CALB2: variants seen among roughly 807,000 people sequenced by gnomAD.
CALB2 encodes calretinin.
In CALB2, 34 loss-of-function variants were observed where a neutral mutation model predicts 45.9. The ratio of observed to expected loss-of-function variants is 0.74; its 90% CI spans 0.56 to 0.99. The LOEUF (loss-of-function observed/expected upper bound fraction) is 0.99, where lower values mean the gene tolerates loss of function less well. CALB2 is among the 50% of genes least tolerant of loss of function. CALB2 has a pLI of 0.00. For synonymous variants in CALB2, 142 were observed against 129.6 expected (o/e 1.10, Z -0.65); for missense variants, 344 against 339.3 (o/e 1.01, Z -0.11).
At chr16:71,383,093 C>T (rs2042519144) in intron 5 of CALB2, among the ~76,000 whole-genome samples, 1 of 152,140 alleles carries the variant, frequency 6.6e-6, no homozygotes, top group Non-Finnish European at 1.5e-5. Context: ...CCAGTGATTC[C>T]CCAGGCACTG....
intron 9 of CALB2, 103 bp downstream of exon 9, chr16:71,384,939 C>T (rs1288155929): frequency 2.0e-5 from 20 of 989,568 alleles, no homozygotes; most frequent in Non-Finnish European, 2.9e-5. Context: ...CAGGGGTGGC[C>T]TGGGCCGTGT....
intron 10 of CALB2, among the ~76,000 whole-genome samples, chr16:71,388,358 G>T (rs1192957480): frequency 6.8e-6 from 1 of 147,202 alleles, no homozygotes; most frequent in East Asian, 2.0e-4. Flanking sequence ...AAAAGAAAAA[G>T]AAAAAGAAAA....
At chr16:71,359,106 C>T (rs956010800) in intron 1 of CALB2, among the ~76,000 whole-genome samples, 2 of 152,202 alleles carry the variant, frequency 1.3e-5, no homozygotes, top group Non-Finnish European at 2.9e-5. Flanking sequence ...ACCCAGAGCC[C>T]ACCCGCATTT....
In CALB2 at chr16:71,388,643, G is replaced by A. The variant is rs571111449; in HGVS notation, c.700-1106G>A. ...CAAGAAGCCAGTGAACAAGAAGTAG[G>A]CTGGCGAGCTTTATTGCTGGAGAAG... On this transcript the variant is annotated intron_variant, in intron 10 of 10. Transcript: ENST00000302628. 5.9e-5 allele frequency among the ~76,000 whole-genome samples: 9 copies of A among 152,192 alleles called. No individual in the cohort carries two copies. In the South Asian group the frequency reaches 1.7e-3, roughly 28 times the overall value.
In CALB2 at chr16:71,358,896, G is replaced by T. The variant is rs775004919; in HGVS notation, c.94+10G>T. On this transcript the variant is annotated intron_variant, in intron 1 of 10. Transcript: ENST00000302628. ...CACTTTGACGCAGACGGTCAGTAAA[G>T]CTCCCAACTTCTGTGCCCATTGGCA... 2.1e-5 allele frequency: 34 copies of T among 1,611,260 alleles called. No individual in the cohort carries two copies. The East Asian group carries it at 5.6e-4, about 26-fold the overall frequency.
chr16:71,364,844 G>A (rs2042267170), intron 1 of CALB2, among the ~76,000 whole-genome samples: 1 of 152,232 alleles, frequency 6.6e-6, no homozygotes, highest in African/African-American at 2.4e-5. Flanking sequence ...GTGTGTCAGA[G>A]AGAGAAGCCA....
chr16:71,370,050 A>G (rs1389713386), intron 1 of CALB2, among the ~76,000 whole-genome samples: 3 of 151,904 alleles, frequency 2.0e-5, no homozygotes, highest in Non-Finnish European at 4.4e-5. Context: ...GAAGATAACC[A>G]CCCCATCCTA....
chr16:71,385,519 T>A, intron 9 of CALB2, 58 bp from the exon 10 acceptor site: 1 of 1,502,456 alleles, frequency 6.7e-7, no homozygotes, highest in South Asian at 1.1e-5. Flanking sequence ...CTGGAATGGG[T>A]CGGGACAGCA....
At chr16:71,360,032 T>G (rs2042223605) in intron 1 of CALB2, among the ~76,000 whole-genome samples, 1 of 152,214 alleles carries the variant, frequency 6.6e-6, no homozygotes, top group Non-Finnish European at 1.5e-5. Flanking sequence ...GGCTCAGCCT[T>G]GTGGGCTCTG....
chr16:71,358,938 T>TGAAGGGG, intron 1 of CALB2, 52 bp downstream of exon 1: 1 of 1,517,640 alleles, frequency 6.6e-7, no homozygotes, highest in Non-Finnish European at 9.1e-7. Context: ...GGACCTGCGG[T>TGAAGGGG]GAAGGGGGCA....
At chr16:71,366,717 A>T (rs1406312738) in intron 1 of CALB2, among the ~76,000 whole-genome samples, 1 of 152,182 alleles carries the variant, frequency 6.6e-6, no homozygotes, top group African/African-American at 2.4e-5. Flanking sequence ...AGAGGAACTT[A>T]AGAGGAGGGA....
intron 1 of CALB2, among the ~76,000 whole-genome samples, chr16:71,363,694 G>C (rs114020601): frequency 0.014 from 2,176 of 152,294 alleles, 48 homozygotes; most frequent in African/African-American, 0.05. Context: ...TGCATGAGAG[G>C]TCCTGCAATA....
rs1567544352 is a variant in CALB2, at chr16:71,384,854, C to T, written c.627+18C>T. On this transcript the variant is annotated intron_variant, in intron 9 of 10. Transcript: ENST00000302628. ...ACGACAAGGTAAGAGAGGGAGTTGG[C>T]ATGGCAGGGAAAATCAGAAGCCCAT... The T allele has an allele frequency of 6.2e-7, 1 of 1,609,808 alleles. No individual in the cohort carries two copies.
intron 4 of CALB2, among the ~76,000 whole-genome samples, chr16:71,380,693 C>T (rs1156875056): frequency 1.3e-5 from 2 of 152,078 alleles, no homozygotes; most frequent in African/African-American, 2.4e-5. Context: ...GTTTCTGGGA[C>T]CCCACCCTCC....
chr16:71,367,328 G>A (rs1015941832), intron 1 of CALB2, among the ~76,000 whole-genome samples: 2 of 152,140 alleles, frequency 1.3e-5, no homozygotes, highest in Non-Finnish European at 2.9e-5. Context: ...CCATCCGCAT[G>A]AGCCTTGCTT....
chr16:71,382,842 G>A, intron 5 of CALB2, 67 bp downstream of exon 5: 8 of 1,403,402 alleles, frequency 5.7e-6, no homozygotes, highest in Non-Finnish European at 7.8e-6. Flanking sequence ...TGAGGAGGGA[G>A]GAGATGTTGG....
At position 71,384,042 on chromosome 16, in the gene CALB2, C is replaced by G. The variant is rs571464408; in HGVS notation, c.533+17C>G. 1 of 1,613,004 alleles carries G rather than the reference C, an allele frequency of 6.2e-7. No individual in the cohort carries two copies. Among genetic ancestry groups the G allele is most frequent in the Non-Finnish European group, 8.5e-7 (1 of 1,179,096 alleles). ...GATGTCCCGGTAAGCACCTCACCCC[C>G]GGGGTCACTGATACTGGCTCCCACA... On this transcript the variant is annotated intron_variant, in intron 7 of 10. Transcript: ENST00000302628.
chr16:71,366,020 C>T (rs1158913685), intron 1 of CALB2, among the ~76,000 whole-genome samples: 17 of 28,862 alleles, frequency 5.9e-4, no homozygotes, highest in Admixed American at 1.7e-3. Context: ...TTCCCTCTCT[C>T]TCTCTTTTTT....
rs117561628 is a variant in CALB2, at chr16:71,370,031, T to A, written c.95-2122T>A. ...GTTCTCCTAAGAAGCTTTACAAACA[T>A]CCTAGAAGGAAGATAACCACCCCAT... On this transcript the variant is annotated intron_variant, in intron 1 of 10. Transcript: ENST00000302628. Among the ~76,000 whole-genome samples, 4 of 152,172 alleles carry A rather than the reference T, an allele frequency of 2.6e-5. No homozygotes were observed. In the East Asian group the frequency reaches 7.7e-4, roughly 29 times the overall value.
Sources: gnomAD v4.1 joint callset for allele counts (sites outside exome capture counted in the v4.1 genomes callset) on GRCh38, gnomAD v4.1.1 for gene constraint, MANE v1.5 for transcripts, NCBI Gene and HGNC (gene_info 2026-07-23, HGNC 2026-07-21) for gene names.